ELP4: variants seen among roughly 807,000 people sequenced by gnomAD.
ELP4 encodes elongator acetyltransferase complex subunit 4, also known as elongator complex protein 4.
In ELP4, 51 loss-of-function variants were observed where a neutral mutation model predicts 48.9. The observed-to-expected ratio is 1.04, with a 90% CI of 0.83 to 1.32. The LOEUF (loss-of-function observed/expected upper bound fraction) is 1.32. ELP4 is among the 40% of genes most tolerant of loss of function. ELP4 has a pLI of 0.00. For missense variants in ELP4, 519 were observed against 514.6 expected (o/e 1.01, Z -0.08); for synonymous variants, 210 against 189.2 (o/e 1.11, Z -0.90).
At chr11:31,622,290 G>A (rs1944639346) in intron 5 of ELP4, among the ~76,000 whole-genome samples, 1 of 151,552 alleles carries the variant, frequency 6.6e-6, no homozygotes, top group African/African-American at 2.4e-5. Context: ...TTTTTTGTTG[G>A]TGGTGGCAGT....
intron 9 of ELP4, chr11:31,767,142 G>A (rs781261007): frequency 2.6e-5 from 4 of 152,082 alleles, no homozygotes; most frequent in Non-Finnish European, 5.9e-5. Context: ...AAATAACCCT[G>A]CATAACAATT....
intron 5 of ELP4, among the ~76,000 whole-genome samples, chr11:31,604,844 G>A (rs535724537): frequency 7.2e-5 from 11 of 151,896 alleles, no homozygotes; most frequent in Admixed American, 4.6e-4. Flanking sequence ...TAGCAAAAGC[G>A]GTGCTTTGAT....
intron 6 of ELP4, among the ~76,000 whole-genome samples, chr11:31,630,102 G>C (rs1038337108): frequency 6.6e-6 from 1 of 151,750 alleles, no homozygotes; most frequent in African/African-American, 2.4e-5. Flanking sequence ...GGGTGTCTTA[G>C]GTGGTTGTCT....
At chr11:31,753,067 A>C (rs1474126673) in intron 9 of ELP4, among the ~76,000 whole-genome samples, 1 of 152,196 alleles carries the variant, frequency 6.6e-6, no homozygotes, top group Admixed American at 6.5e-5. Flanking sequence ...TTGCAAGTGC[A>C]TAAGTATGAG....
At chr11:31,611,438 GA>G (rs1957977357) in intron 5 of ELP4, among the ~76,000 whole-genome samples, 3 of 152,064 alleles carry the variant, frequency 2.0e-5, no homozygotes, top group Admixed American at 2.0e-4. Context: ...ACTCATTCAG[GA>G]TAGTAAATCC....
intron 9 of ELP4, among the ~76,000 whole-genome samples, chr11:31,689,909 A>G (rs1316111683): frequency 6.6e-6 from 1 of 152,164 alleles, no homozygotes; most frequent in Non-Finnish European, 1.5e-5. Context: ...TGCTAATGGA[A>G]ACCTGGAGAA....
At chr11:31,747,611 G>A (rs1189658703) in intron 9 of ELP4, among the ~76,000 whole-genome samples, 1 of 152,186 alleles carries the variant, frequency 6.6e-6, no homozygotes, top group African/African-American at 2.4e-5. Context: ...GAGATAGGCA[G>A]TCATCCTTCA....
At chr11:31,656,889 TA>T (rs1404368342) in intron 9 of ELP4, among the ~76,000 whole-genome samples, 1 of 152,120 alleles carries the variant, frequency 6.6e-6, no homozygotes, top group Non-Finnish European at 1.5e-5. Context: ...CAAGACTTTG[TA>T]GAACTGCTGT....
chr11:31,737,561 A>T lies in ELP4; in HGVS notation c.1144-45832A>T, dbSNP rs185467790. On this transcript the variant is annotated intron_variant, in intron 9 of 9. Coordinates refer to ENST00000640961, the MANE Select transcript of ELP4 (RefSeq NM_019040.5). ...CTACAGACTGGGAGAAAATACTTGC[A>T]AATCTGTAAACCATATATCTGTTAA... Among the ~76,000 whole-genome samples, 8 of 152,312 alleles carry T rather than the reference A, an allele frequency of 5.3e-5. No individual in the cohort carries two copies. The East Asian group carries it at 1.5e-3, about 29-fold the overall frequency.
chr11:31,560,684 A>ATATATATATAAAACAACG (rs1957004833), intron 3 of ELP4, among the ~76,000 whole-genome samples: 1 of 108,800 alleles, frequency 9.2e-6, no homozygotes, highest in Non-Finnish European at 2.0e-5. Context: ...TAAAGACCAC[A>ATATATATATAAAACAACG]TTGTTTTATA....
intron 5 of ELP4, among the ~76,000 whole-genome samples, chr11:31,621,065 A>G (rs1944610343): frequency 6.6e-6 from 1 of 151,968 alleles, no homozygotes; most frequent in Non-Finnish European, 1.5e-5. Flanking sequence ...CTCTATAGTC[A>G]CATGCAAATT....
At chr11:31,560,066 G>T (rs984830613) in intron 3 of ELP4, among the ~76,000 whole-genome samples, 3 of 151,916 alleles carry the variant, frequency 2.0e-5, no homozygotes, top group Non-Finnish European at 2.9e-5. Context: ...TTTTTCATAA[G>T]CTGGGTTTAT....
intron 9 of ELP4, among the ~76,000 whole-genome samples, chr11:31,741,127 G>C (rs1056928772): frequency 6.6e-6 from 1 of 152,114 alleles, no homozygotes; most frequent in Non-Finnish European, 1.5e-5. Flanking sequence ...TACGCCCATG[G>C]AGTCTCGCTT....
intron 9 of ELP4, among the ~76,000 whole-genome samples, chr11:31,745,087 A>G (rs1225987688): frequency 1.3e-5 from 2 of 152,230 alleles, no homozygotes; most frequent in African/African-American, 2.4e-5. Flanking sequence ...GCATTCTTAT[A>G]CACCATTAAC....
intron 9 of ELP4, among the ~76,000 whole-genome samples, chr11:31,755,051 C>A (rs1947804761): frequency 6.6e-6 from 1 of 152,088 alleles, no homozygotes; most frequent in South Asian, 2.1e-4. Context: ...GACTGAACAT[C>A]ATGTGCCAAA....
intron 9 of ELP4, among the ~76,000 whole-genome samples, chr11:31,745,141 C>T (rs896949715): frequency 5.3e-5 from 8 of 152,044 alleles, no homozygotes; most frequent in African/African-American, 1.2e-4. Flanking sequence ...CCATTCACAA[C>T]TGCTTCAAAG....
intron 3 of ELP4, among the ~76,000 whole-genome samples, chr11:31,562,574 T>C (rs946608419): frequency 6.6e-6 from 1 of 152,192 alleles, no homozygotes; most frequent in African/African-American, 2.4e-5. Context: ...ATACCTTAAC[T>C]TATAAATGTA....
At chr11:31,654,378 G>A (rs1211897740) in intron 9 of ELP4, 8 of 151,696 alleles carry the variant, frequency 5.3e-5, no homozygotes. Flanking sequence ...GTTTACTCAA[G>A]GTTGTCTTAT....
chr11:31,624,248 C>T (rs1944691456), intron 5 of ELP4, among the ~76,000 whole-genome samples: 1 of 151,750 alleles, frequency 6.6e-6, no homozygotes, highest in Admixed American at 6.6e-5. Flanking sequence ...CTGAGAAATA[C>T]ATTATTGGAC....
Sources: gnomAD v4.1 joint callset for allele counts (sites outside exome capture counted in the v4.1 genomes callset) on GRCh38, gnomAD v4.1.1 for gene constraint, MANE v1.5 for transcripts, NCBI Gene and HGNC (gene_info 2026-07-23, HGNC 2026-07-21) for gene names.